DIS3: variants seen among roughly 807,000 people sequenced by gnomAD.
The protein encoded by DIS3 is exosome complex exonuclease RRP44.
Under a neutral mutation model 113.0 loss-of-function variants are expected in DIS3, and 103 were observed. The ratio of observed to expected loss-of-function variants is 0.91; its 90% CI spans 0.78 to 1.07. The LOEUF is 1.07. Ranked by LOEUF, DIS3 falls within the 50% of genes least tolerant of loss-of-function variation. The probability of loss-of-function intolerance (pLI) is 0.00; values close to 1 mark genes in which losing one functional copy is unlikely to be tolerated. For missense variants in DIS3, 1,121 were observed against 1,167.1 expected, an observed-to-expected ratio of 0.96 and a Z score of 0.58; for synonymous variants, 402 against 394.3, an observed-to-expected ratio of 1.02 and a Z score of -0.23.
chr13:72,765,483 T>C (rs1340124076), intron 15 of DIS3, among the ~76,000 whole-genome samples: 1 of 152,024 alleles, frequency 6.6e-6, no homozygotes, highest in East Asian at 1.9e-4. Context: ...GGAGGGATGG[T>C]TTCATCAGGC....
intron 14 of DIS3, among the ~76,000 whole-genome samples, chr13:72,767,405 A>G (rs959865219): frequency 2.0e-5 from 3 of 152,184 alleles, no homozygotes; most frequent in Non-Finnish European, 4.4e-5. Context: ...TTTGTGTCAC[A>G]CAAAAAAATT....
chr13:72,763,314 CA>C (rs2033671893), intron 16 of DIS3, 136 bp downstream of exon 16: 3 of 1,158,878 alleles, frequency 2.6e-6, no homozygotes, highest in Non-Finnish European at 3.5e-6. Context: ...AAAAAAAAAC[CA>C]AAAGAAAAAA....
At chr13:72,769,711 T>G (rs917662431) in intron 13 of DIS3, among the ~76,000 whole-genome samples, 11 of 152,146 alleles carry the variant, frequency 7.2e-5, no homozygotes, top group Non-Finnish European at 1.6e-4. Context: ...CTTAAAGAAT[T>G]AAAAGTCATT....
rs377226912 is a variant in DIS3 at position 72,774,977 on chromosome 13, G to A, written c.987+234C>T. ...GTCACAGATTTTCAGTTTCATACTT[G>A]TATTAACTCATACTAACAGTCTGTT... On this transcript the variant is annotated intron_variant, in intron 6 of 20. Transcript: ENST00000377767. Among the ~76,000 whole-genome samples the A allele has an allele frequency of 3.3e-5, 5 of 151,898 alleles. No individual in the cohort carries two copies. The East Asian group carries it at 5.8e-4, about 18-fold the overall frequency.
In DIS3 at chr13:72,781,856, A is replaced by T; in HGVS notation, c.-24T>A. The T allele has an allele frequency of 6.5e-7, 1 of 1,542,070 alleles. No homozygotes were observed. Among genetic ancestry groups the T allele is most frequent in the South Asian group, 1.2e-5 (1 of 83,488 alleles). On this transcript the variant is annotated 5_prime_UTR_variant, in exon 1 of 21. Coordinates refer to ENST00000377767, the MANE Select transcript of DIS3 (RefSeq NM_014953.5). ...ATCTTGCCTCGCCGCGCAGAATCCT[A>T]ACCCCAGCAGCGCTCTTCCAGCAAA...
At chr13:72,780,055 C>T (rs111935560) in intron 2 of DIS3, among the ~76,000 whole-genome samples, 1 of 151,868 alleles carries the variant, frequency 6.6e-6, no homozygotes, top group Non-Finnish European at 1.5e-5. Flanking sequence ...TGGCCAGGCA[C>T]GGTAGCTCAT....
Position 72,778,333 on chromosome 13 carries a change from T to C in DIS3, c.434A>G (p.Asn145Ser), listed in dbSNP as rs766699445. 6 of 1,591,978 alleles carry C rather than the reference T, an allele frequency of 3.8e-6. No individual in the cohort carries two copies. In the Admixed American group the frequency reaches 6.7e-5, roughly 18 times the overall value. Residue 145 changes from asparagine to serine, a missense_variant, in exon 3 of 21, where the codon AAT (asparagine) becomes AGT (serine). This residue lies in a region of DIS3 where 254 missense variants were observed against 232.2 expected (regional missense o/e 1.09). Transcript: ENST00000377767. ...QEQGENANDR[N>S]DRAIRVAAKW... ...TGCTGCTACTCGAATCGCTCTATCA[T>C]TCCTGTCATTAGCATTTTCTCCCTG...
rs867642167 is a variant in DIS3, at chr13:72,756,860, C to G, written c.*2935G>C. 1.2e-4 allele frequency: 18 copies of G among 152,194 alleles called. No homozygotes were observed. Among genetic ancestry groups the G allele is most frequent in the Non-Finnish European group, 1.5e-5 (1 of 68,058 alleles). The allele number at this position is 152,194 out of a possible 1,614,324, so 9.4% of individuals were successfully genotyped here. ...GAACTGAGTCCATTAAACCTCTTTCCTTTATAATAATTACCCAGTTTGGGG... is the reference window on the plus strand; with the variant it reads ...GAACTGAGTCCATTAAACCTCTTTCGTTTATAATAATTACCCAGTTTGGGG... On this transcript the variant is annotated 3_prime_UTR_variant, in exon 21 of 21. Coordinates refer to ENST00000377767, the MANE Select transcript of DIS3 (RefSeq NM_014953.5).
At position 72,759,712 on chromosome 13, in the gene DIS3, C is replaced by T. The variant is rs781040295; in HGVS notation, c.*83G>A. Reference sequence around the variant, plus strand: ...TGTACTTAAAAGTAACAAACTGTATCACACACTTAGGCTTAGAAGTGTTCT... The same window carrying T: ...TGTACTTAAAAGTAACAAACTGTATTACACACTTAGGCTTAGAAGTGTTCT... On this transcript the variant is annotated 3_prime_UTR_variant, in exon 21 of 21. Coordinates refer to ENST00000377767, the MANE Select transcript of DIS3 (RefSeq NM_014953.5). The T allele has an allele frequency of 9.6e-6, 10 of 1,040,110 alleles. No individual in the cohort carries two copies. The highest frequency in any genetic ancestry group is 1.4e-5 in the Non-Finnish European group (10 of 700,284). The allele number at this position is 1,040,110 out of a possible 1,614,324, so 64.4% of individuals were successfully genotyped here.
intron 10 of DIS3, 61 bp from the exon 11 acceptor site, chr13:72,771,957 A>G (rs955023059): frequency 4.6e-6 from 7 of 1,527,388 alleles, no homozygotes; most frequent in Non-Finnish European, 6.2e-6. Context: ...TACCTAATGG[A>G]GTTTTAATAA....
chr13:72,780,851 G>A lies in DIS3; in HGVS notation c.381C>T (p.His127=). 2 of 1,603,342 alleles carry A rather than the reference G, an allele frequency of 1.2e-6. No individual in the cohort carries two copies. The highest frequency in any genetic ancestry group is 8.5e-7 in the Non-Finnish European group (1 of 1,176,094). ...EKHFYTFTNE[H]HRETYVEQEQ... The stretch of plus-strand genomic sequence containing the variant: ...TAACGTAATATTCCTCCTACCTATG[G>A]TGCTCATTAGTGAAAGTATAGAAAT... Residue 127 remains histidine, a synonymous_variant, in exon 2 of 21, where the codon CAC becomes CAT. Transcript: ENST00000377767.
In DIS3 at chr13:72,755,511, C is replaced by A; in HGVS notation, c.*4284G>T. 2.5e-6 allele frequency: 1 copy of A among 393,266 alleles called. No individual in the cohort carries two copies. Among genetic ancestry groups the A allele is most frequent in the Non-Finnish European group, 4.5e-6 (1 of 222,186 alleles). 24.4% of individuals were successfully genotyped at this position (393,266 alleles called of 1,614,324 possible). ...GCTGAGTGCTCCTATCTTACAGGGT[C>A]AATGAACTACTTATTAAGCCTTACT... On this transcript the variant is annotated 3_prime_UTR_variant, in exon 21 of 21. Coordinates refer to ENST00000377767, the MANE Select transcript of DIS3 (RefSeq NM_014953.5).
At chr13:72,777,764 T>C (rs79678825) in intron 3 of DIS3, among the ~76,000 whole-genome samples, 1 of 151,628 alleles carries the variant, frequency 6.6e-6, no homozygotes. Flanking sequence ...TTTTTTTTTT[T>C]CCTGTAGAGC....
intron 8 of DIS3, among the ~76,000 whole-genome samples, chr13:72,773,444 A>G (rs576093668): frequency 6.8e-4 from 104 of 152,184 alleles, no homozygotes; most frequent in Non-Finnish European, 1.2e-3. Flanking sequence ...CCGGGGCAAC[A>G]GGGTGAGACT....
Position 72,765,999 on chromosome 13 carries a change from G to A in DIS3, c.1943C>T (p.Pro648Leu), listed in dbSNP as rs370279138. 4.5e-5 allele frequency: 72 copies of A among 1,610,956 alleles called. No individual in the cohort carries two copies. Among genetic ancestry groups the A allele is most frequent in the Non-Finnish European group, 5.9e-5 (69 of 1,178,406 alleles). ...RFHMDSETHD[P>L]IDLQTKELRE... ...AAGTTCCTTGGTCTGCAGATCTATA[G>A]GATCGTGAGTTTCACTGTCCATGTG... The change falls in exon 15 of 21, where the codon CCT becomes CTT. Residue 648 changes from proline to leucine, a missense_variant. Transcript: ENST00000377767.
At chr13:72,772,032 G>A (rs1270846022) in intron 10 of DIS3, 127 bp downstream of exon 10, 2 of 1,199,900 alleles carry the variant, frequency 1.7e-6, no homozygotes, top group Non-Finnish European at 2.4e-6. Context: ...CTGACATATG[G>A]CCAATAGCGT....
intron 4 of DIS3, 33 bp from the exon 5 acceptor site, chr13:72,776,125 A>C (rs775574119): frequency 1.3e-6 from 2 of 1,567,452 alleles, no homozygotes; most frequent in Non-Finnish European, 1.7e-6. Flanking sequence ...GATGCCGCTA[A>C]TAAGTCTTCT....
Position 72,773,738 on chromosome 13 carries a change from T to G in DIS3, c.1185A>C (p.Gly395=). The change falls in exon 8 of 21, where the codon GGA becomes GGC. Residue 395 remains glycine (G), a synonymous_variant. Coordinates refer to ENST00000377767, the MANE Select transcript of DIS3 (RefSeq NM_014953.5). ...IETRQASTLE[G]RRIIVAIDGW... ...CATCAATAGCAACAATAATTCTCCG[T>G]CCTTCTAATGTGGAAGCCTGTCTGG... The G allele has an allele frequency of 6.2e-7, 1 of 1,613,980 alleles. No homozygotes were observed. The highest frequency in any genetic ancestry group is 8.5e-7 in the Non-Finnish European group (1 of 1,179,970).
At chr13:72,775,618 T>C (rs1006343028) in intron 5 of DIS3, among the ~76,000 whole-genome samples, 6 of 152,172 alleles carry the variant, frequency 3.9e-5, no homozygotes, top group Non-Finnish European at 8.8e-5. Context: ...TAACTTACAC[T>C]GGTAACAAGA....
Sources: allele counts gnomAD v4.1 joint callset (sites outside exome capture counted in the v4.1 genomes callset), GRCh38; gene constraint gnomAD v4.1.1; regional missense constraint gnomAD v4.1.1; transcripts MANE v1.5; gene names NCBI Gene and HGNC (gene_info 2026-07-23, HGNC 2026-07-21).